SEL1L2: variants seen among roughly 807,000 people sequenced by gnomAD.
SEL1L2 encodes the protein protein sel-1 homolog 2.
Under a neutral mutation model 98.8 loss-of-function variants are expected in SEL1L2, and 89 were observed. The ratio of observed to expected loss-of-function variants is 0.90; its 90% confidence interval spans 0.76 to 1.07. The LOEUF is 1.07. Ranked by LOEUF, SEL1L2 falls within the 50% of genes least tolerant of loss-of-function variation. The pLI is 0.00. For missense variants in SEL1L2, 788 were observed against 812.0 expected, an observed-to-expected ratio of 0.97 and a Z score of 0.36; for synonymous variants, 262 against 278.5, an observed-to-expected ratio of 0.94 and a Z score of 0.59.
At chr20:13,888,342 G>A in intron 6 of SEL1L2, 117 bp downstream of exon 6, 1 of 716,178 alleles carries the variant, frequency 1.4e-6, no homozygotes, top group Non-Finnish European at 2.4e-6. Flanking sequence ...TGACTATTAA[G>A]TTGGTGTTTT....
chr20:13,956,692 T>C (rs979163551), intron 1 of SEL1L2, among the ~76,000 whole-genome samples: 1 of 152,126 alleles, frequency 6.6e-6, no homozygotes. Flanking sequence ...TACTTTTTTT[T>C]ATAAAGACTA....
intron 5 of SEL1L2, among the ~76,000 whole-genome samples, chr20:13,900,524 C>T (rs1039935065): frequency 2.0e-5 from 3 of 152,098 alleles, no homozygotes; most frequent in African/African-American, 4.8e-5. Flanking sequence ...CAGTTGGATC[C>T]AGAGATGGCT....
At chr20:13,935,999 C>T (rs1307168058) in intron 2 of SEL1L2, among the ~76,000 whole-genome samples, 5 of 152,128 alleles carry the variant, frequency 3.3e-5, no homozygotes, top group African/African-American at 7.2e-5. Context: ...TTTTAAACAG[C>T]AAATGCAATA....
chr20:13,851,526 G>A (rs1988252770), intron 18 of SEL1L2: 2 of 151,672 alleles, frequency 1.3e-5, no homozygotes, highest in African/African-American at 4.8e-5. Flanking sequence ...AAATGATATA[G>A]TACTATATTT....
intron 1 of SEL1L2, among the ~76,000 whole-genome samples, chr20:13,960,929 T>C (rs2050748415): frequency 6.6e-6 from 1 of 152,188 alleles, no homozygotes; most frequent in Non-Finnish European, 1.5e-5. Context: ...ATATATATAA[T>C]AGCGTACACC....
chr20:13,871,928 T>A (rs2046221100), intron 12 of SEL1L2, among the ~76,000 whole-genome samples: 3 of 152,182 alleles, frequency 2.0e-5, no homozygotes, highest in African/African-American at 7.2e-5. Context: ...CACCTACATT[T>A]AGTTATTGTA....
At chr20:13,930,598 A>G (rs1030371098) in intron 3 of SEL1L2, among the ~76,000 whole-genome samples, 1 of 152,214 alleles carries the variant, frequency 6.6e-6, no homozygotes, top group Non-Finnish European at 1.5e-5. Context: ...TCTAGAGCCA[A>G]TTCTTCAAAT....
At chr20:13,946,073 A>T (rs2049993783) in intron 2 of SEL1L2, among the ~76,000 whole-genome samples, 1 of 152,244 alleles carries the variant, frequency 6.6e-6, no homozygotes, top group Non-Finnish European at 1.5e-5. Flanking sequence ...CAAAGCAAGG[A>T]TACCCACTGT....
chr20:13,945,766 T>C (rs1186577387), intron 2 of SEL1L2, among the ~76,000 whole-genome samples: 2 of 152,102 alleles, frequency 1.3e-5, no homozygotes, highest in Admixed American at 6.5e-5. Context: ...TTTTTTCTGA[T>C]ATGCAAGGAT....
intron 1 of SEL1L2, among the ~76,000 whole-genome samples, chr20:13,967,065 A>G (rs1303814559): frequency 1.3e-5 from 2 of 151,864 alleles, no homozygotes; most frequent in African/African-American, 4.8e-5. Context: ...TATTTTTAGT[A>G]GAGATGGGGG....
intron 10 of SEL1L2, among the ~76,000 whole-genome samples, chr20:13,882,763 A>T (rs36079287): frequency 6.7e-6 from 1 of 149,132 alleles, no homozygotes; most frequent in Non-Finnish European, 1.5e-5. Flanking sequence ...GTTTGGGACT[A>T]TTTTTTTAAA....
At chr20:13,888,549 A>G (rs370910089) in intron 5 of SEL1L2, 37 bp from the exon 6 acceptor site, 19 of 1,153,958 alleles carry the variant, frequency 1.6e-5, no homozygotes, top group Non-Finnish European at 2.4e-5. Context: ...TTAATAAATC[A>G]ATTTATTTCC....
At chr20:13,862,380 T>A (rs944815959) in intron 17 of SEL1L2, among the ~76,000 whole-genome samples, 19 of 152,108 alleles carry the variant, frequency 1.2e-4, no homozygotes, top group African/African-American at 4.6e-4. Context: ...GGAACACTCA[T>A]CTAGGACATC....
intron 18 of SEL1L2, among the ~76,000 whole-genome samples, chr20:13,852,404 TG>T: frequency 6.6e-6 from 1 of 152,314 alleles, no homozygotes; most frequent in South Asian, 2.1e-4. Flanking sequence ...AATTCTTGAA[TG>T]CTTCTAGCTA....
chr20:13,974,475 C>CTTTTT lies in SEL1L2; in HGVS notation c.58+15997_58+16001dup, dbSNP rs11484437. ...TTTTTTTCCTTTTCTCTCTCTCTCT[C>CTTTTT]TTTTTTTTTTTTTTTTTTTTTGAGA... On this transcript the variant is annotated intron_variant, in intron 1 of 19. Transcript: ENST00000284951. 2.2e-3 allele frequency among the ~76,000 whole-genome samples: 180 copies of CTTTTT among 80,178 alleles called. 1 individual carries two copies. Among genetic ancestry groups the CTTTTT allele is most frequent in the African/African-American group, 4.0e-3 (79 of 19,936 alleles). 52.6% of individuals were successfully genotyped at this position (80,178 alleles called of 152,430 possible).
intron 10 of SEL1L2, among the ~76,000 whole-genome samples, chr20:13,878,326 C>T (rs1487012356): frequency 1.4e-5 from 2 of 143,178 alleles, no homozygotes; most frequent in African/African-American, 2.6e-5. Context: ...TTTTTCGAGA[C>T]GGAGTCTCAC....
intron 15 of SEL1L2, among the ~76,000 whole-genome samples, chr20:13,865,904 A>T (rs6134998): frequency 0.032 from 4,918 of 152,134 alleles, 168 homozygotes; most frequent in South Asian, 0.18. Flanking sequence ...AGGGCAAGTT[A>T]TAAGGCCACA....
chr20:13,934,989 G>A (rs777102572), intron 2 of SEL1L2, among the ~76,000 whole-genome samples: 5 of 152,148 alleles, frequency 3.3e-5, no homozygotes, highest in African/African-American at 4.8e-5. Context: ...ATTATCATAT[G>A]TTATTGCCAT....
intron 1 of SEL1L2, among the ~76,000 whole-genome samples, chr20:13,962,781 A>G (rs1349194980): frequency 2.6e-5 from 4 of 152,184 alleles, no homozygotes; most frequent in African/African-American, 7.2e-5. Context: ...AGAATAAAAT[A>G]TCGACCAGGC....
Sources: allele counts gnomAD v4.1 joint callset (sites outside exome capture counted in the v4.1 genomes callset), GRCh38; gene constraint gnomAD v4.1.1; transcripts MANE v1.5; gene names NCBI Gene and HGNC (gene_info 2026-07-23, HGNC 2026-07-21).